Variants in HSD17B4 observed in about 807,000 individuals in gnomAD.
The protein encoded by HSD17B4 is hydroxysteroid 17-beta dehydrogenase 4.
HSD17B4 carries 70 observed loss-of-function variants against 101.0 expected under a neutral mutation model. The ratio of observed to expected loss-of-function variants is 0.69; its 90% confidence interval spans 0.57 to 0.85. The LOEUF is 0.85. Ranked by LOEUF, HSD17B4 falls within the 40% of genes least tolerant of loss-of-function variation. The pLI, the probability that HSD17B4 is intolerant of heterozygous loss-of-function variation, is 0.00. For missense variants in HSD17B4, 984 were observed against 892.4 expected, an observed-to-expected ratio of 1.10 and a Z score of -1.31; for synonymous variants, 347 against 297.1, an observed-to-expected ratio of 1.17 and a Z score of -1.73.
intron 15 of HSD17B4, among the ~76,000 whole-genome samples, chr5:119,507,781 A>AT (rs775833654): frequency 0.032 from 4,481 of 138,134 alleles, 133 homozygotes; most frequent in African/African-American, 0.09. Context: ...AAGACTCTGT[A>AT]CCAAAAAAAA....
At chr5:119,454,393 A>C (rs61457439) in intron 1 of HSD17B4, among the ~76,000 whole-genome samples, 17,100 of 149,838 alleles carry the variant, frequency 0.11, 1,325 homozygotes, top group African/African-American at 0.23. Flanking sequence ...GTAACCTTGA[A>C]CTCCTGGGCT....
intron 20 of HSD17B4, among the ~76,000 whole-genome samples, chr5:119,528,184 C>T (rs555589376): frequency 1.6e-4 from 24 of 151,954 alleles, no homozygotes; most frequent in Non-Finnish European, 4.4e-5. Context: ...ATCTAGGTGT[C>T]CTAAATAACT....
intron 8 of HSD17B4, among the ~76,000 whole-genome samples, chr5:119,488,895 GCTCACCAAT>G (rs889158507): frequency 9.2e-5 from 14 of 152,158 alleles, no homozygotes; most frequent in South Asian, 6.2e-4. Flanking sequence ...ATACAGTTTT[GCTCACCAAT>G]CTTTGTCTAG....
In HSD17B4 at chr5:119,459,310, G is replaced by A. The variant is rs1002661962; in HGVS notation, c.112+2942G>A. Among the ~76,000 whole-genome samples, 6 of 152,232 alleles carry A rather than the reference G, an allele frequency of 3.9e-5. No homozygotes were observed. The East Asian group carries it at 9.7e-4, about 24-fold the overall frequency. On this transcript the variant is annotated intron_variant, in intron 2 of 23. Coordinates refer to ENST00000510025, the MANE Select transcript of HSD17B4 (RefSeq NM_000414.4). ...TTCCGGGATTATGGTGAGGGTAAAT[G>A]ACAAAAAATTAAAGACTTTCGGAAA... is the stretch of plus-strand genomic sequence containing the variant.
intron 8 of HSD17B4, among the ~76,000 whole-genome samples, chr5:119,483,944 C>T (rs1045521747): frequency 6.6e-5 from 10 of 152,068 alleles, no homozygotes; most frequent in African/African-American, 1.2e-4. Context: ...AGATATTTTT[C>T]GAGTTGGTTT....
At chr5:119,528,287 T>C (rs1195311416) in intron 20 of HSD17B4, among the ~76,000 whole-genome samples, 1 of 152,210 alleles carries the variant, frequency 6.6e-6, no homozygotes, top group Non-Finnish European at 1.5e-5. Flanking sequence ...ATGTCTTTTC[T>C]GTATCATGTT....
At chr5:119,468,881 A>G (rs576149782) in intron 2 of HSD17B4, among the ~76,000 whole-genome samples, 62 of 146,694 alleles carry the variant, frequency 4.2e-4, no homozygotes, top group Non-Finnish European at 8.2e-4. Flanking sequence ...CTTTTGCTTG[A>G]TGTAGTCTGT....
rs950112251 is a variant in HSD17B4 at position 119,525,951 on chromosome 5, A to G, written c.1608A>G (p.Thr536=). The change falls in exon 19 of 24, where the codon ACA becomes ACG. Residue 536 remains threonine, a synonymous_variant. Coordinates refer to ENST00000510025, the MANE Select transcript of HSD17B4 (RefSeq NM_000414.4). ...FDKPILHGLC[T]FGFSARRVLQ... is the part of the protein sequence containing the mutation. ...AGCCCATATTACATGGATTATGTAC[A>G]TTTGGATTTTCTGCCAGGCGTGTGT... 2 of 1,611,494 alleles carry G rather than the reference A, an allele frequency of 1.2e-6. No individual in the cohort carries two copies. The highest frequency in any genetic ancestry group is 1.7e-6 in the Non-Finnish European group (2 of 1,177,932).
At chr5:119,537,328 G>T (rs1451556480) in intron 23 of HSD17B4, among the ~76,000 whole-genome samples, 1 of 152,034 alleles carries the variant, frequency 6.6e-6, no homozygotes, top group Non-Finnish European at 1.5e-5. Context: ...TTTGAATCTT[G>T]CCCCTGTCAC....
At chr5:119,504,234 G>C (rs1474648248) in intron 14 of HSD17B4, among the ~76,000 whole-genome samples, 1 of 151,890 alleles carries the variant, frequency 6.6e-6, no homozygotes, top group Non-Finnish European at 1.5e-5. Context: ...TAGTGCTGCA[G>C]TGAGCATATG....
At chr5:119,505,179 A>G (rs933819653) in intron 14 of HSD17B4, among the ~76,000 whole-genome samples, 2 of 127,674 alleles carry the variant, frequency 1.6e-5, no homozygotes, top group Non-Finnish European at 3.3e-5. Flanking sequence ...TTAATATGAT[A>G]CTTCCAGCTT....
intron 2 of HSD17B4, among the ~76,000 whole-genome samples, chr5:119,457,555 A>G (rs1754795833): frequency 1.3e-5 from 2 of 152,158 alleles, no homozygotes; most frequent in African/African-American, 4.8e-5. Context: ...GAATTTTGAC[A>G]TTGTATTATT....
intron 2 of HSD17B4, among the ~76,000 whole-genome samples, chr5:119,457,144 G>A (rs1186643086): frequency 6.6e-6 from 1 of 152,158 alleles, no homozygotes; most frequent in Non-Finnish European, 1.5e-5. Flanking sequence ...CAGTTGGTGT[G>A]GACACAGAAA....
intron 9 of HSD17B4, among the ~76,000 whole-genome samples, chr5:119,490,136 T>C (rs1046134677): frequency 5.9e-5 from 9 of 152,088 alleles, no homozygotes; most frequent in Non-Finnish European, 1.2e-4. Context: ...TTCATTTGAA[T>C]GAAAAGCTGA....
chr5:119,456,835 C>A, intron 2 of HSD17B4: 1 of 175,718 alleles, frequency 5.7e-6, no homozygotes, highest in East Asian at 1.5e-4. Context: ...TTTTTTGAGA[C>A]AGGAGGTTTG....
At position 119,473,896 on chromosome 5, in the gene HSD17B4, T is replaced by G. The variant is rs753356949; in HGVS notation, c.113-12T>G. 11 of 1,447,228 alleles carry G rather than the reference T, an allele frequency of 7.6e-6. No homozygotes were observed. The highest frequency in any genetic ancestry group is 1.1e-5 in the Non-Finnish European group (11 of 1,027,900). 89.6% of individuals were successfully genotyped at this position (1,447,228 alleles called of 1,614,324 possible). A position where few individuals can be genotyped will look rare whatever the true frequency, so the allele number is the denominator to read the frequency against. ...AATAATTAATTGTTGTTTGCTTGTT[T>G]TTGCATTACAGTGAATGATTTGGGA... is the stretch of plus-strand genomic sequence containing the variant. On this transcript the variant is annotated splice_polypyrimidine_tract_variant and intron_variant, in intron 2 of 23. Transcript: ENST00000510025.
At chr5:119,493,394 A>T (rs1005028566) in intron 10 of HSD17B4, 20 of 175,408 alleles carry the variant, frequency 1.1e-4, no homozygotes, top group African/African-American at 4.6e-4. Flanking sequence ...TCTTTGACCT[A>T]TTATTTACTA....
At chr5:119,500,073 T>A (rs1362392482) in intron 13 of HSD17B4, among the ~76,000 whole-genome samples, 1 of 152,162 alleles carries the variant, frequency 6.6e-6, no homozygotes, top group East Asian at 1.9e-4. Flanking sequence ...TTGATGAACA[T>A]GTGAAGCCAT....
intron 9 of HSD17B4, among the ~76,000 whole-genome samples, chr5:119,490,310 A>G (rs1749987970): frequency 6.6e-6 from 1 of 152,168 alleles, no homozygotes; most frequent in South Asian, 2.1e-4. Context: ...ATCTCAAGCC[A>G]TCTGTAATTC....
Sources: allele counts gnomAD v4.1 joint callset (sites outside exome capture counted in the v4.1 genomes callset), GRCh38; gene constraint gnomAD v4.1.1; transcripts MANE v1.5; gene names NCBI Gene and HGNC (gene_info 2026-07-23, HGNC 2026-07-21).